The following TMEM131 variants were observed in gnomAD, a reference collection of about 807,000 sequenced individuals.
The protein encoded by TMEM131 is transmembrane protein 131.
A neutral mutation model predicts 211.6 loss-of-function variants in TMEM131; 66 were observed. The observed-to-expected ratio is 0.31, with a 90% CI of 0.26 to 0.38. The LOEUF is 0.38. Ranked by LOEUF, TMEM131 falls within the 10% of genes least tolerant of loss-of-function variation. The pLI is 1.00. For missense variants in TMEM131, 2,036 were observed against 2,299.3 expected (o/e 0.89, Z 2.34); for synonymous variants, 844 against 841.3 (o/e 1.00, Z -0.06).
intron 1 of TMEM131, among the ~76,000 whole-genome samples, chr2:97,976,413 CATTT>C (rs748385947): frequency 1.8e-4 from 28 of 152,124 alleles, no homozygotes; most frequent in South Asian, 2.1e-4. Flanking sequence ...AAAAAAATAT[CATTT>C]ATTAATAAAC....
At chr2:97,846,099 C>T (rs555223477) in intron 5 of TMEM131, among the ~76,000 whole-genome samples, 7 of 152,230 alleles carry the variant, frequency 4.6e-5, no homozygotes, top group African/African-American at 1.2e-4. Context: ...AAGAAAAGCC[C>T]GAGCTTAAAT....
In TMEM131 at chr2:97,766,614, T is replaced by G; in HGVS notation, c.4449-12A>C. 1.2e-6 allele frequency: 2 copies of G among 1,612,926 alleles called. No individual in the cohort carries two copies. Among genetic ancestry groups the G allele is most frequent in the South Asian group, 1.1e-5 (1 of 90,812 alleles). On this transcript the variant is annotated splice_polypyrimidine_tract_variant and intron_variant, in intron 33 of 40. Coordinates refer to ENST00000186436, the MANE Select transcript of TMEM131 (RefSeq NM_015348.2). ...GTAGTTCTAATGAACTGAAAGACAATCAGGGATGGAAAATACAAATTTATT... is the reference window on the plus strand; with the variant it reads ...GTAGTTCTAATGAACTGAAAGACAAGCAGGGATGGAAAATACAAATTTATT...
intron 11 of TMEM131, among the ~76,000 whole-genome samples, chr2:97,823,105 T>C (rs1271486601): frequency 6.6e-6 from 1 of 152,128 alleles, no homozygotes; most frequent in South Asian, 2.1e-4. Context: ...ATGCAAAGCT[T>C]GCAATTTACA....
At chr2:97,866,186 C>G (rs576455052) in intron 4 of TMEM131, among the ~76,000 whole-genome samples, 108 of 152,360 alleles carry the variant, frequency 7.1e-4, no homozygotes, top group Non-Finnish European at 9.6e-4. Context: ...CAGCCACTTT[C>G]TGGCAAGTTT....
At chr2:97,910,826 G>A (rs1036252918) in intron 2 of TMEM131, among the ~76,000 whole-genome samples, 2 of 152,014 alleles carry the variant, frequency 1.3e-5, no homozygotes, top group Admixed American at 6.6e-5. Flanking sequence ...CCAGTACCAT[G>A]TTGTTTTGGT....
chr2:97,805,352 A>G, intron 21 of TMEM131, 24 bp downstream of exon 21: 3 of 1,609,440 alleles, frequency 1.9e-6, no homozygotes. Context: ...TGAAGACATG[A>G]GAGAGAACAG....
chr2:97,980,701 A>G (rs1679749492), intron 1 of TMEM131, among the ~76,000 whole-genome samples: 1 of 152,202 alleles, frequency 6.6e-6, no homozygotes, highest in Non-Finnish European at 1.5e-5. Flanking sequence ...AAATCATGGT[A>G]TATTCATACA....
Position 97,859,434 on chromosome 2 carries a change from A to G in TMEM131, c.360-7T>C, listed in dbSNP as rs767724465. 2.6e-6 allele frequency: 4 copies of G among 1,537,804 alleles called. No individual in the cohort carries two copies. In the African/African-American group the frequency reaches 4.3e-5, roughly 16 times the overall value. ...TTTTGGCATTCCAACTGGTCTGTAAAACAAAAAGAAAATTATCACAAATAT... is the reference window on the plus strand; with the variant it reads ...TTTTGGCATTCCAACTGGTCTGTAAGACAAAAAGAAAATTATCACAAATAT... On this transcript the variant is annotated splice_polypyrimidine_tract_variant and splice_region_variant and intron_variant, in intron 4 of 40. Transcript: ENST00000186436.
At chr2:97,812,385 A>G (rs1364922216) in intron 17 of TMEM131, 36 bp downstream of exon 17, 1 of 1,578,006 alleles carries the variant, frequency 6.3e-7, no homozygotes, top group South Asian at 1.2e-5. Flanking sequence ...TTAGACATCC[A>G]TCTTACTTTA....
rs746133345 is a variant in TMEM131 at position 97,995,874 on chromosome 2, C to A, written c.-212G>T. 2 of 255,584 alleles carry A rather than the reference C, an allele frequency of 7.8e-6. No individual in the cohort carries two copies. Among genetic ancestry groups the A allele is most frequent in the African/African-American group, 4.6e-5 (2 of 43,892 alleles). 15.8% of individuals were successfully genotyped at this position (255,584 alleles called of 1,614,324 possible). A position where few individuals can be genotyped will look rare whatever the true frequency, so the allele number is the denominator to read the frequency against. ...ACGGTCTTTGCCTGGGCATCGCCTA[C>A]AAGCAGTCGGAGCGGAGAGGCCGCG... On this transcript the variant is annotated 5_prime_UTR_variant, in exon 1 of 41. Transcript: ENST00000186436.
intron 1 of TMEM131, among the ~76,000 whole-genome samples, chr2:97,934,048 A>G (rs1677340274): frequency 6.6e-6 from 1 of 152,114 alleles, no homozygotes; most frequent in South Asian, 2.1e-4. Context: ...GAAAAAAAAA[A>G]GACGAACACA....
chr2:97,924,635 C>T (rs1016584225), intron 2 of TMEM131, among the ~76,000 whole-genome samples: 2 of 152,174 alleles, frequency 1.3e-5, no homozygotes, highest in African/African-American at 4.8e-5. Flanking sequence ...CAGGTGAGTT[C>T]GTTCCTGTAA....
chr2:97,793,501 A>G lies in TMEM131; in HGVS notation c.3439T>C (p.Trp1147Arg). 1 of 1,613,942 alleles carries G rather than the reference A, an allele frequency of 6.2e-7. No homozygotes were observed. Among genetic ancestry groups the G allele is most frequent in the Non-Finnish European group, 8.5e-7 (1 of 1,179,860 alleles). ...GATAGCCGCCTTCGAAATGGCTCCC[A>G]TATTCCTTGAGCTTCCAAATAGGCT... The part of the protein sequence containing the change: ...GTAYLEAQGI[W>R]EPFRRRLSFE... Residue 1147 changes from tryptophan to arginine, a missense_variant, in exon 30 of 41, where the codon TGG (tryptophan) becomes CGG (arginine). Trp to Arg is a moderately radical substitution (Grantham distance 101). Around this residue, in one of 3 missense-constraint regions of TMEM131, gnomAD observed 1,623 missense variants for 1,805.9 expected, o/e 0.90. Transcript: ENST00000186436.
At chr2:97,777,096 C>G (rs543572055) in intron 31 of TMEM131, among the ~76,000 whole-genome samples, 1 of 152,130 alleles carries the variant, frequency 6.6e-6, no homozygotes, top group Non-Finnish European at 1.5e-5. Flanking sequence ...TAGCAAACAA[C>G]AAGCAAGCTC....
At chr2:97,762,380 G>A in intron 35 of TMEM131, 180 bp from the exon 36 acceptor site, 1 of 589,890 alleles carries the variant, frequency 1.7e-6, no homozygotes, top group South Asian at 2.1e-5. Flanking sequence ...ACATCTCTCT[G>A]CACTCGGGGA....
chr2:97,793,420 T>C lies in TMEM131; in HGVS notation c.3520A>G (p.Ile1174Val). ...DVGRPFDLRR[I>V]VGISSEGNLN... ...TTTCCTTCAGATGAAATACCAACGATTCTCCTGAGATCAAATGGCCTTCCC... is the reference window on the plus strand; with the variant it reads ...TTTCCTTCAGATGAAATACCAACGACTCTCCTGAGATCAAATGGCCTTCCC... The change falls in exon 30 of 41, where the codon ATC (isoleucine) becomes GTC (valine). Residue 1174 changes from isoleucine to valine, a missense_variant. Ile to Val is a conservative substitution (Grantham distance 29). Around this residue, in one of 3 missense-constraint regions of TMEM131, gnomAD observed 1,623 missense variants for 1,805.9 expected, o/e 0.90. Coordinates refer to ENST00000186436, the MANE Select transcript of TMEM131 (RefSeq NM_015348.2). 6.2e-7 allele frequency: 1 copy of C among 1,613,772 alleles called. No homozygotes were observed. The highest frequency in any genetic ancestry group is 2.2e-5 in the East Asian group (1 of 44,872).
At chr2:97,958,214 T>C (rs778676462) in intron 1 of TMEM131, among the ~76,000 whole-genome samples, 1 of 152,188 alleles carries the variant, frequency 6.6e-6, no homozygotes. Context: ...TGAGCCACCA[T>C]CCACACCAAA....
chr2:97,760,747 A>T (rs1307181188), intron 37 of TMEM131, 46 bp downstream of exon 37: 1 of 1,613,852 alleles, frequency 6.2e-7, no homozygotes, highest in South Asian at 1.1e-5. Context: ...TCATTCCACC[A>T]GGCCTGGCGC....
intron 1 of TMEM131, among the ~76,000 whole-genome samples, chr2:97,940,514 A>C (rs1195390805): frequency 6.6e-6 from 1 of 152,218 alleles, no homozygotes; most frequent in Non-Finnish European, 1.5e-5. Flanking sequence ...GTGAAATAAA[A>C]GAGGACACAA....
Sources: allele counts gnomAD v4.1 joint callset (sites outside exome capture counted in the v4.1 genomes callset), GRCh38; gene constraint gnomAD v4.1.1; regional missense constraint gnomAD v4.1.1; transcripts MANE v1.5; gene names NCBI Gene and HGNC (gene_info 2026-07-23, HGNC 2026-07-21).